The following ASGR2 variants were observed in gnomAD, a reference collection of about 807,000 sequenced individuals.
ASGR2 encodes C-type lectin domain family 4 member H2.
ASGR2 carries 34 observed loss-of-function variants against 32.3 expected under a neutral mutation model. That is an observed-to-expected ratio of 1.05 (90% CI 0.80 to 1.40). The LOEUF is 1.40. Among genes scored for constraint, ASGR2 ranks in the 40% most tolerant of loss-of-function variants. The pLI is 0.00. For missense variants in ASGR2, 385 were observed against 386.4 expected, an observed-to-expected ratio of 1.00 and a Z score of 0.03; for synonymous variants, 143 against 150.0, an observed-to-expected ratio of 0.95 and a Z score of 0.34.
In ASGR2 at chr17:7,114,660, C is replaced by G; in HGVS notation, c.-116G>C. On this transcript the variant is annotated 5_prime_UTR_variant, in exon 1 of 9. Transcript: ENST00000691900. The surrounding 1 kb of genome is among the most constrained non-coding windows in gnomAD (Gnocchi z 4.5). ...GGACACCTGGCTCCCGCAGGCAACCCTGGCCTTGGCCAAGGAGGGGTTAAA... is the reference window on the plus strand; with the variant it reads ...GGACACCTGGCTCCCGCAGGCAACCGTGGCCTTGGCCAAGGAGGGGTTAAA... 9.7e-7 allele frequency: 1 copy of G among 1,026,694 alleles called. No individual in the cohort carries two copies. Among genetic ancestry groups the G allele is most frequent in the Non-Finnish European group, 1.2e-6 (1 of 854,586 alleles). 63.6% of individuals were successfully genotyped at this position (1,026,694 alleles called of 1,614,324 possible). A position where few individuals can be genotyped will look rare whatever the true frequency, so the allele number is the denominator to read the frequency against.
intron 2 of ASGR2, among the ~76,000 whole-genome samples, chr17:7,109,605 T>A (rs556096295): frequency 6.6e-6 from 1 of 151,876 alleles, no homozygotes; most frequent in African/African-American, 2.4e-5. Flanking sequence ...CAGCCCGAGG[T>A]CATCTCACAG....
intron 7 of ASGR2, 46 bp from the exon 8 acceptor site, chr17:7,102,242 C>T: frequency 6.6e-7 from 1 of 1,508,932 alleles, no homozygotes. Context: ...TTGTGCCTTT[C>T]TCCTCCCTCC....
chr17:7,103,800 C>T (rs973483004), intron 7 of ASGR2, among the ~76,000 whole-genome samples: 25 of 152,174 alleles, frequency 1.6e-4, no homozygotes, highest in African/African-American at 6.0e-4. Flanking sequence ...TATTATTATA[C>T]TTTAAGTTTT....
chr17:7,112,020 C>G (rs1448427028), intron 2 of ASGR2, among the ~76,000 whole-genome samples: 3 of 23,054 alleles, frequency 1.3e-4, no homozygotes, highest in Non-Finnish European at 2.6e-4. Context: ...CCAGCCTGGG[C>G]AACAGAGTGA....
At chr17:7,102,627 G>A (rs1262462731) in intron 7 of ASGR2, among the ~76,000 whole-genome samples, 2 of 151,964 alleles carry the variant, frequency 1.3e-5, no homozygotes, top group Admixed American at 6.6e-5. Context: ...CCACAGCCTC[G>A]AACTCCTGGG....
intron 2 of ASGR2, among the ~76,000 whole-genome samples, chr17:7,109,931 G>C (rs1426665295): frequency 6.6e-6 from 1 of 152,054 alleles, no homozygotes. Flanking sequence ...AGCAGCTCCA[G>C]TTGTCCCAGC....
Position 7,102,147 on chromosome 17 carries a change from G to T in ASGR2, c.698C>A (p.Thr233Lys), listed in dbSNP as rs560461662. Residue 233 changes from threonine (T) to lysine (K), a missense_variant, in exon 8 of 9, where the codon ACG becomes AAG. Thr to Lys is a moderately conservative substitution (Grantham distance 78). Coordinates refer to ENST00000691900, the MANE Select transcript of ASGR2 (RefSeq NM_001201352.2). ...TNPFNTWIGL[T>K]DSDGSWKWVD... Reference sequence around the variant, plus strand: ...CCATTTCCAAGAGCCATCACTGTCCGTGAGACCTATCCAGGTATTGAAGGG... The same window carrying T: ...CCATTTCCAAGAGCCATCACTGTCCTTGAGACCTATCCAGGTATTGAAGGG... 1.2e-6 allele frequency: 2 copies of T among 1,614,182 alleles called. No individual in the cohort carries two copies. The highest frequency in any genetic ancestry group is 8.5e-7 in the Non-Finnish European group (1 of 1,180,026).
rs757955186 is a variant in ASGR2, at chr17:7,102,209, G to A, written c.649-13C>T. The A allele has an allele frequency of 8.1e-6, 13 of 1,605,868 alleles. No individual in the cohort carries two copies. The Admixed American group carries it at 2.0e-4, about 25-fold the overall frequency. On this transcript the variant is annotated splice_polypyrimidine_tract_variant and intron_variant, in intron 7 of 8. Coordinates refer to ENST00000691900, the MANE Select transcript of ASGR2 (RefSeq NM_001201352.2). ...GTACAATGAATTTCTGGAAACACAG[G>A]CAAACAGGAAATTTCTAGTCTCTTG...
chr17:7,103,819 T>C (rs1320296783), intron 7 of ASGR2, among the ~76,000 whole-genome samples: 3 of 152,124 alleles, frequency 2.0e-5, no homozygotes, highest in Non-Finnish European at 4.4e-5. Context: ...TTAGGGTACA[T>C]GTGCACAACG....
Position 7,107,264 on chromosome 17 carries a change from C to G in ASGR2, c.463G>C (p.Val155Leu), listed in dbSNP as rs376618652. 2.5e-6 allele frequency: 4 copies of G among 1,614,088 alleles called. No homozygotes were observed. Among genetic ancestry groups the G allele is most frequent in the Admixed American group, 3.3e-5 (2 of 60,010 alleles). The change falls in exon 6 of 9, where the codon GTG becomes CTG. Residue 155 changes from valine to leucine, a missense_variant. Physicochemically the swap from Val to Leu is conservative, Grantham distance 32. Coordinates refer to ENST00000691900, the MANE Select transcript of ASGR2 (RefSeq NM_001201352.2). The surrounding 1 kb of genome is among the most constrained non-coding windows in gnomAD (Gnocchi z 5.0). ...TGGAGGAGCTCCATCTGGCAGGCCA[C>G]GAAGCGCAGGTCCACGGGGAAGTGC... is the stretch of plus-strand genomic sequence containing the variant. ...LKHFPVDLRF[V>L]ACQMELLHSN...
At chr17:7,112,423 G>C (rs372287813) in intron 2 of ASGR2, among the ~76,000 whole-genome samples, 1 of 151,948 alleles carries the variant, frequency 6.6e-6, no homozygotes, top group South Asian at 2.1e-4. Flanking sequence ...CAGCCCATTC[G>C]CGTGAGCTCA....
At chr17:7,103,835 G>T (rs928958652) in intron 7 of ASGR2, among the ~76,000 whole-genome samples, 1 of 152,198 alleles carries the variant, frequency 6.6e-6, no homozygotes, top group African/African-American at 2.4e-5. Context: ...CAACGTGCAG[G>T]TTTGTTACAT....
At chr17:7,102,038 G>T in intron 8 of ASGR2, 52 bp downstream of exon 8, 4 of 1,556,318 alleles carry the variant, frequency 2.6e-6, no homozygotes, top group Non-Finnish European at 3.5e-6. Flanking sequence ...GAAAGGCCAG[G>T]GGGCTGTCCC....
Position 7,108,950 on chromosome 17 carries a change from G to A in ASGR2, c.125-62C>T. 1 of 1,508,920 alleles carries A rather than the reference G, an allele frequency of 6.6e-7. No individual in the cohort carries two copies. The highest frequency in any genetic ancestry group is 8.9e-7 in the Non-Finnish European group (1 of 1,123,204). 93.5% of individuals were successfully genotyped at this position (1,508,920 alleles called of 1,614,324 possible). A position where few individuals can be genotyped will look rare whatever the true frequency, so the allele number is the denominator to read the frequency against. On this transcript the variant is annotated intron_variant, in intron 2 of 8. Coordinates refer to ENST00000691900, the MANE Select transcript of ASGR2 (RefSeq NM_001201352.2). The surrounding 1 kb of genome is among the most constrained non-coding windows in gnomAD (Gnocchi z 4.9). ...TGTGGGGAGCCGGAGGGTAAAGACA[G>A]GGCACCGAAGCCTGAGGAGGCATAA...
In ASGR2 at chr17:7,107,771, A is replaced by G. The variant is rs372339009; in HGVS notation, c.409+65T>C. 5.8e-5 allele frequency: 89 copies of G among 1,546,454 alleles called. No homozygotes were observed. Among genetic ancestry groups the G allele is most frequent in the Non-Finnish European group, 7.8e-5 (88 of 1,126,134 alleles). On this transcript the variant is annotated intron_variant, in intron 5 of 8. Coordinates refer to ENST00000691900, the MANE Select transcript of ASGR2 (RefSeq NM_001201352.2). This position sits in a 1 kb window ranked among gnomAD's most constrained non-coding sequence, Gnocchi z 5.0. ...CACACTACACACACCGCACACGTACACACTACACACACCGCACACGTACAC... is the reference window on the plus strand; with the variant it reads ...CACACTACACACACCGCACACGTACGCACTACACACACCGCACACGTACAC...
intron 2 of ASGR2, among the ~76,000 whole-genome samples, chr17:7,109,567 C>A (rs1277615847): frequency 3.3e-5 from 5 of 152,046 alleles, no homozygotes; most frequent in Admixed American, 6.6e-5. Context: ...TCCCTAGAAA[C>A]CTCGTTCCAC....
Position 7,114,379 on chromosome 17 carries a change from G to A in ASGR2, c.-70-69C>T. 6.9e-7 allele frequency: 1 copy of A among 1,448,342 alleles called. No homozygotes were observed. Among genetic ancestry groups the A allele is most frequent in the Non-Finnish European group, 9.1e-7 (1 of 1,103,390 alleles). The allele number at this position is 1,448,342 out of a possible 1,614,324, so 89.7% of individuals were successfully genotyped here. A position where few individuals can be genotyped will look rare whatever the true frequency, so the allele number is the denominator to read the frequency against. ...GGAACGCAGGGTCGGAGGGGTTCGG[G>A]GTGGTGGCCTGGGTAGGATCTGAGG... is the stretch of plus-strand genomic sequence containing the variant. On this transcript the variant is annotated intron_variant, in intron 1 of 8. Transcript: ENST00000691900. This position sits in a 1 kb window ranked among gnomAD's most constrained non-coding sequence, Gnocchi z 4.5.
At position 7,107,283 on chromosome 17, in the gene ASGR2, G is replaced by A. The variant is rs1913879809; in HGVS notation, c.444C>T (p.Phe148=). The A allele has an allele frequency of 6.2e-7, 1 of 1,613,958 alleles. No individual in the cohort carries two copies. Among genetic ancestry groups the A allele is most frequent in the East Asian group, 2.2e-5 (1 of 44,884 alleles). Residue 148 remains phenylalanine, a synonymous_variant, in exon 6 of 9, where the codon TTC becomes TTT. Coordinates refer to ENST00000691900, the MANE Select transcript of ASGR2 (RefSeq NM_001201352.2). This position sits in a 1 kb window ranked among gnomAD's most constrained non-coding sequence, Gnocchi z 5.0. The part of the protein sequence containing the change: ...HDALLFHLKH[F]PVDLRFVACQ... ...AGGCCACGAAGCGCAGGTCCACGGG[G>A]AAGTGCTTCAGATGGAAGAGCAGGG...
Position 7,107,762 on chromosome 17 carries a change from CACACGT to C in ASGR2, c.409+68_409+73del, listed in dbSNP as rs149760120. ...GCACACGTGCACACTACACACACCGCACACGTACACACTACACACACCGCACACGTA... is the reference window on the plus strand; with the variant it reads ...GCACACGTGCACACTACACACACCGCACACACTACACACACCGCACACGTA... On this transcript the variant is annotated intron_variant, in intron 5 of 8. Coordinates refer to ENST00000691900, the MANE Select transcript of ASGR2 (RefSeq NM_001201352.2). This position sits in a 1 kb window ranked among gnomAD's most constrained non-coding sequence, Gnocchi z 5.0. 384 of 454,426 alleles carry C rather than the reference CACACGT, an allele frequency of 8.5e-4. 4 individuals carry two copies. The highest frequency in any genetic ancestry group is 4.6e-3 in the Middle Eastern group (10 of 2,192). The allele number at this position is 454,426 out of a possible 1,614,324, so 28.1% of individuals were successfully genotyped here.
Sources: allele counts gnomAD v4.1 joint callset (sites outside exome capture counted in the v4.1 genomes callset), GRCh38; gene constraint gnomAD v4.1.1; non-coding constraint Gnocchi (gnomAD v3.1); transcripts MANE v1.5; gene names NCBI Gene and HGNC (gene_info 2026-07-23, HGNC 2026-07-21).